Variants in FGF13 observed in about 807,000 individuals in gnomAD.
FGF13 encodes the protein fibroblast growth factor homologous factor 2.
FGF13 carries 2 observed loss-of-function variants against 19.5 expected under a neutral mutation model. The observed-to-expected ratio is 0.10, with a 90% CI of 0.04 to 0.32. The LOEUF is 0.32. Among genes scored for constraint, FGF13 ranks in the 10% least tolerant of loss-of-function variants. The pLI is 1.00. For synonymous variants in FGF13, 72 were observed against 76.9 expected, an observed-to-expected ratio of 0.94 and a Z score of 0.33; for missense variants, 113 against 192.7, an observed-to-expected ratio of 0.59 and a Z score of 2.45.
downstream of FGF13, among the ~76,000 whole-genome samples, chrX:138,856,041 A>T (rs181212387): frequency 1.8e-5 from 2 of 110,565 alleles, no homozygotes; most frequent in Non-Finnish European, 3.8e-5. Flanking sequence ...AATGTAGTAT[A>T]TATAGTAAAG....
intron 1 of FGF13, among the ~76,000 whole-genome samples, chrX:139,088,335 C>T (rs753002003): frequency 1.4e-4 from 16 of 111,072 alleles, no homozygotes; most frequent in East Asian, 5.7e-4. Context: ...TATCAGAGAA[C>T]GGTTGATGAC....
intron 1 of FGF13, among the ~76,000 whole-genome samples, chrX:139,060,970 A>G (rs1811448014): frequency 2.7e-5 from 3 of 111,352 alleles, no homozygotes; most frequent in Non-Finnish European, 5.7e-5. Context: ...TCTTCTTTAT[A>G]GACAATGCAG....
intron 3 of FGF13, among the ~76,000 whole-genome samples, chrX:138,808,092 T>G (rs1365262058): frequency 2.7e-5 from 3 of 111,725 alleles, no homozygotes; most frequent in East Asian, 2.8e-4. Context: ...CAAGCGGACC[T>G]AATAGACATC....
chrX:138,934,349 C>A (rs1341411656), intron 1 of FGF13, among the ~76,000 whole-genome samples: 1 of 112,025 alleles, frequency 8.9e-6, no homozygotes, highest in Non-Finnish European at 1.9e-5. Context: ...CCTTAAAAAG[C>A]TGATCAAGAT....
chrX:138,755,939 G>A (rs2090428949), intron 3 of FGF13, among the ~76,000 whole-genome samples: 1 of 111,782 alleles, frequency 8.9e-6, no homozygotes, highest in Admixed American at 9.5e-5. Context: ...AGGCTGTTAG[G>A]ATGGGCTCTA....
chrX:138,719,721 A>T (rs1462472309), intron 1 of FGF13, among the ~76,000 whole-genome samples: 1 of 112,710 alleles, frequency 8.9e-6, no homozygotes, highest in Admixed American at 9.4e-5. Context: ...TCGGAAGCCC[A>T]TGACTATCCT....
chrX:139,154,152 C>A (rs192078306), intron 1 of FGF13, among the ~76,000 whole-genome samples: 1 of 111,709 alleles, frequency 9.0e-6, no homozygotes, highest in Non-Finnish European at 1.9e-5. Context: ...CCCATGACTA[C>A]CCCCTTGTAT....
chrX:138,867,241 C>A (rs2091330460), intron 1 of FGF13, among the ~76,000 whole-genome samples: 1 of 110,372 alleles, frequency 9.1e-6, no homozygotes, highest in Non-Finnish European at 1.9e-5. Context: ...GACCACATCT[C>A]TACAAAAAAA....
chrX:138,950,802 G>A (rs2091807256), intron 1 of FGF13, among the ~76,000 whole-genome samples: 1 of 111,338 alleles, frequency 9.0e-6, no homozygotes, highest in Non-Finnish European at 1.9e-5. Context: ...AGAACTGTTT[G>A]TAACTATAGC....
chrX:138,720,876 T>C (rs911370629), intron 1 of FGF13, among the ~76,000 whole-genome samples: 1 of 112,287 alleles, frequency 8.9e-6, no homozygotes, highest in Non-Finnish European at 1.9e-5. Context: ...CTTAGATTTT[T>C]ATATCACTAC....
intron 1 of FGF13, among the ~76,000 whole-genome samples, chrX:138,920,139 C>T (rs879199561): frequency 9.0e-6 from 1 of 111,063 alleles, no homozygotes; most frequent in Admixed American, 9.6e-5. Context: ...TCTGCACCAA[C>T]ACTGTATGTT....
At position 138,617,013 on chromosome X, in the gene FGF13, C is replaced by T. The variant is rs2088975004; in HGVS notation, c.*15837G>A. On this transcript the variant is annotated 3_prime_UTR_variant, in exon 5 of 5. Coordinates refer to ENST00000315930, the MANE Select transcript of FGF13 (RefSeq NM_004114.5). ...AAACCATTTTTTTCCTTCAAGGCCT[C>T]CTGGCCTATAATGGGAGAGGCTGCA... 8.9e-6 allele frequency: 1 copy of T among 111,871 alleles called. No individual in the cohort carries two copies. The highest frequency in any genetic ancestry group is 1.9e-5 in the Non-Finnish European group (1 of 53,203). The allele number at this position is 111,871 out of a possible 1,213,427, so 9.2% of individuals were successfully genotyped here. A position where few individuals can be genotyped will look rare whatever the true frequency, so the allele number is the denominator to read the frequency against.
At chrX:139,016,474 G>A (rs1481576914) in intron 1 of FGF13, among the ~76,000 whole-genome samples, 1 of 111,461 alleles carries the variant, frequency 9.0e-6, no homozygotes, top group Admixed American at 9.5e-5. Flanking sequence ...GATTTTCTAA[G>A]TGCAAGTAAA....
chrX:138,943,180 C>T (rs2091766937), intron 1 of FGF13, among the ~76,000 whole-genome samples: 1 of 112,276 alleles, frequency 8.9e-6, no homozygotes, highest in African/African-American at 3.2e-5. Flanking sequence ...CTGGGCATCA[C>T]AGTGGGTGGG....
intron 1 of FGF13, among the ~76,000 whole-genome samples, chrX:138,866,116 A>C (rs1245043550): frequency 8.9e-6 from 1 of 112,699 alleles, no homozygotes; most frequent in African/African-American, 3.2e-5. Flanking sequence ...TTTTTCCAGA[A>C]ATTGTTTCCT....
At chrX:138,880,969 T>C (rs2091420726) in intron 1 of FGF13, among the ~76,000 whole-genome samples, 1 of 111,842 alleles carries the variant, frequency 8.9e-6, no homozygotes, top group Admixed American at 9.5e-5. Flanking sequence ...AAAAATGCTA[T>C]TGGAATTTTG....
chrX:138,635,030 G>GTA (rs1470833962), intron 4 of FGF13, among the ~76,000 whole-genome samples: 3 of 111,843 alleles, frequency 2.7e-5, no homozygotes, highest in East Asian at 5.6e-4. Flanking sequence ...AAAAAATGTG[G>GTA]TATATATATA....
At chrX:138,921,865 A>G (rs1447898906) in intron 1 of FGF13, among the ~76,000 whole-genome samples, 1 of 108,084 alleles carries the variant, frequency 9.3e-6, no homozygotes, top group Non-Finnish European at 1.9e-5. Flanking sequence ...AAAAATTATG[A>G]GGTAGAACCC....
rs1569347627 is a variant in FGF13, at chrX:138,625,486, T to TATATATATATACATATATATATATA, written c.*7339_*7363dup. 11 of 91,485 alleles carry TATATATATATACATATATATATATA rather than the reference T, an allele frequency of 1.2e-4. No individual in the cohort carries two copies. Among genetic ancestry groups the TATATATATATACATATATATATATA allele is most frequent in the African/African-American group, 4.3e-4 (10 of 23,142 alleles). 7.5% of individuals were successfully genotyped at this position (91,485 alleles called of 1,213,427 possible). On this transcript the variant is annotated 3_prime_UTR_variant, in exon 5 of 5. Coordinates refer to ENST00000315930, the MANE Select transcript of FGF13 (RefSeq NM_004114.5). ...TATATATATACATATATATATATAA[T>TATATATATATACATATATATATATA]ATATATATATACATATATATATATA...
Sources: gnomAD v4.1 joint callset for allele counts (sites outside exome capture counted in the v4.1 genomes callset) on GRCh38, gnomAD v4.1.1 for gene constraint, MANE v1.5 for transcripts, NCBI Gene and HGNC (gene_info 2026-07-23, HGNC 2026-07-21) for gene names.